DRD3: variants seen among roughly 807,000 people sequenced by gnomAD.
DRD3 encodes D(3) dopamine receptor.
A neutral mutation model predicts 36.3 loss-of-function variants in DRD3; 19 were observed. The ratio of observed to expected loss-of-function variants is 0.52; its 90% CI spans 0.36 to 0.77. The LOEUF is 0.77. DRD3 is among the 30% of genes least tolerant of loss of function. The pLI is 0.00. For missense variants in DRD3, 465 were observed against 505.3 expected (o/e 0.92, Z 0.77); for synonymous variants, 195 against 203.7 (o/e 0.96, Z 0.36).
chr3:114,136,255 A>G (rs1285424975), intron 5 of DRD3, among the ~76,000 whole-genome samples: 1 of 151,996 alleles, frequency 6.6e-6, no homozygotes, highest in African/African-American at 2.4e-5. Context: ...ATTTGAAAAC[A>G]TTGATCTAGT....
chr3:114,194,089 T>C (rs929248960), intron 1 of DRD3, among the ~76,000 whole-genome samples: 36 of 152,236 alleles, frequency 2.4e-4, no homozygotes, highest in African/African-American at 8.0e-4. Context: ...CTATCCCTGC[T>C]TACCTCTAGG....
upstream of DRD3, among the ~76,000 whole-genome samples, chr3:114,181,570 C>A (rs1211276823): frequency 9.9e-5 from 15 of 152,182 alleles, no homozygotes; most frequent in Non-Finnish European, 1.9e-4. Context: ...GGGCAGAAAT[C>A]AAGAAAAATA....
chr3:114,182,638 G>C (rs1439488871), upstream of DRD3, among the ~76,000 whole-genome samples: 2 of 151,474 alleles, frequency 1.3e-5, no homozygotes, highest in African/African-American at 4.9e-5. Flanking sequence ...TTGAGACAGA[G>C]TCTCCGTCTG....
chr3:114,196,554 T>C (rs1319210500), intron 1 of DRD3, among the ~76,000 whole-genome samples: 1 of 152,224 alleles, frequency 6.6e-6, no homozygotes, highest in Non-Finnish European at 1.5e-5. Context: ...TATAAACCAG[T>C]ACCACACAGT....
At chr3:114,176,638 C>T (rs1001207741) in intron 1 of DRD3, among the ~76,000 whole-genome samples, 18 of 151,904 alleles carry the variant, frequency 1.2e-4, no homozygotes, top group African/African-American at 3.6e-4. Flanking sequence ...CTGTCATTCC[C>T]GAGTTGAGAT....
intron 6 of DRD3, among the ~76,000 whole-genome samples, chr3:114,130,264 A>G (rs9845417): frequency 0.44 from 66,948 of 151,692 alleles, 14,933 homozygotes; most frequent in Non-Finnish European, 0.48. Context: ...GTCTCAAAAA[A>G]ACAAAAAACA....
upstream of DRD3, among the ~76,000 whole-genome samples, chr3:114,181,216 G>A (rs533138649): frequency 6.6e-6 from 1 of 152,160 alleles, no homozygotes; most frequent in South Asian, 2.1e-4. Flanking sequence ...CTAATTCTGT[G>A]TAGGAACAAG....
At chr3:114,156,796 T>C (rs1471472847) in intron 3 of DRD3, among the ~76,000 whole-genome samples, 2 of 131,328 alleles carry the variant, frequency 1.5e-5, no homozygotes, top group African/African-American at 2.7e-5. Flanking sequence ...TCTTTCTTTC[T>C]TTCTCTTTTC....
rs1353160199 is a variant in DRD3, at chr3:114,128,420, C to A, written c.*296G>T. ...TTTTCCTTCAGTGTAATGAATCATGCCTCTGATGACAATTTTGTGTGAGTC... is the reference window on the plus strand; with the variant it reads ...TTTTCCTTCAGTGTAATGAATCATGACTCTGATGACAATTTTGTGTGAGTC... On this transcript the variant is annotated 3_prime_UTR_variant, in exon 7 of 7. Coordinates refer to ENST00000383673, the MANE Select transcript of DRD3 (RefSeq NM_000796.6). Among the ~76,000 whole-genome samples the A allele has an allele frequency of 6.6e-6, 1 of 152,172 alleles. No individual in the cohort carries two copies. The highest frequency in any genetic ancestry group is 1.5e-5 in the Non-Finnish European group (1 of 68,022).
intron 3 of DRD3, among the ~76,000 whole-genome samples, chr3:114,155,381 C>T (rs1196982697): frequency 6.6e-6 from 1 of 151,990 alleles, no homozygotes; most frequent in Admixed American, 6.6e-5. Flanking sequence ...GCTTCGTTTT[C>T]GCTTGGGATC....
At chr3:114,145,386 G>T (rs1434761193) in intron 4 of DRD3, among the ~76,000 whole-genome samples, 2 of 152,220 alleles carry the variant, frequency 1.3e-5, no homozygotes, top group East Asian at 3.8e-4. Context: ...GTGCATGTTT[G>T]TGTGTATAAA....
chr3:114,183,465 C>G, upstream of DRD3, among the ~76,000 whole-genome samples: 1 of 151,974 alleles, frequency 6.6e-6, no homozygotes, highest in Admixed American at 6.6e-5. Context: ...TGTTTATATC[C>G]TCTATTTTCT....
chr3:114,195,270 C>A (rs1435546496), intron 1 of DRD3, among the ~76,000 whole-genome samples: 1 of 152,140 alleles, frequency 6.6e-6, no homozygotes, highest in African/African-American at 2.4e-5. Flanking sequence ...GTTTTTGTCT[C>A]ATTTTCAACA....
At chr3:114,133,083 C>T (rs1045777204) in intron 5 of DRD3, among the ~76,000 whole-genome samples, 5 of 151,378 alleles carry the variant, frequency 3.3e-5, no homozygotes, top group African/African-American at 9.7e-5. Context: ...CTCTGCCTCC[C>T]GGGTTCAAGA....
chr3:114,164,574 G>T (rs1426524979), intron 2 of DRD3, among the ~76,000 whole-genome samples: 1 of 152,072 alleles, frequency 6.6e-6, no homozygotes, highest in Non-Finnish European at 1.5e-5. Flanking sequence ...AGAGTAATAA[G>T]TCCCTCAAGT....
intron 1 of DRD3, among the ~76,000 whole-genome samples, chr3:114,174,456 C>T (rs997420690): frequency 2.0e-5 from 3 of 152,190 alleles, no homozygotes; most frequent in African/African-American, 7.2e-5. Context: ...TTGACAGCTA[C>T]CTAAAAATAG....
chr3:114,172,554 A>C (rs1045868607), intron 1 of DRD3, among the ~76,000 whole-genome samples: 1 of 152,150 alleles, frequency 6.6e-6, no homozygotes, highest in Non-Finnish European at 1.5e-5. Flanking sequence ...GCAGGAGTAG[A>C]ATAGGAGGGT....
At chr3:114,186,228 C>T (rs887886915) in intron 1 of DRD3, among the ~76,000 whole-genome samples, 5 of 152,214 alleles carry the variant, frequency 3.3e-5, no homozygotes, top group East Asian at 1.9e-4. Context: ...AAAATGGAAG[C>T]GATTCTCCTG....
intron 2 of DRD3, among the ~76,000 whole-genome samples, chr3:114,166,956 A>C (rs2077791211): frequency 6.6e-6 from 1 of 152,014 alleles, no homozygotes; most frequent in Non-Finnish European, 1.5e-5. Flanking sequence ...TCCAGTAGGG[A>C]GGTCTTAAAT....
Sources: gnomAD v4.1 joint callset for allele counts (sites outside exome capture counted in the v4.1 genomes callset) on GRCh38, gnomAD v4.1.1 for gene constraint, MANE v1.5 for transcripts, NCBI Gene and HGNC (gene_info 2026-07-23, HGNC 2026-07-21) for gene names.